The following CPNE4 variants were observed in gnomAD, a reference collection of about 807,000 sequenced individuals.
CPNE4 encodes the protein copine-4.
CPNE4 carries 25 observed loss-of-function variants against 67.9 expected under a neutral mutation model. That is an observed-to-expected ratio of 0.37 (90% confidence interval 0.27 to 0.51). The LOEUF (loss-of-function observed/expected upper bound fraction) is 0.51, where lower values mean the gene tolerates loss of function less well. CPNE4 is among the 20% of genes least tolerant of loss of function. The pLI is 0.93. For synonymous variants in CPNE4, 242 were observed against 244.9 expected, an observed-to-expected ratio of 0.99 and a Z score of 0.11; for missense variants, 464 against 690.8, an observed-to-expected ratio of 0.67 and a Z score of 3.68.
chr3:131,978,869 C>T (rs1042176995), intron 1 of CPNE4, among the ~76,000 whole-genome samples: 25 of 151,440 alleles, frequency 1.7e-4, no homozygotes, highest in Non-Finnish European at 3.4e-4. Context: ...TTGCTGTATC[C>T]CAGAGGTTTT....
chr3:131,840,500 A>G (rs1375971195), intron 2 of CPNE4, among the ~76,000 whole-genome samples: 1 of 152,208 alleles, frequency 6.6e-6, no homozygotes, highest in African/African-American at 2.4e-5. Context: ...CTAGAATTCT[A>G]ATCAAAGGAC....
intron 15 of CPNE4, among the ~76,000 whole-genome samples, chr3:131,535,837 C>A (rs1326521807): frequency 6.6e-6 from 1 of 152,194 alleles, no homozygotes; most frequent in Non-Finnish European, 1.5e-5. Flanking sequence ...TACTGAATCA[C>A]AATCTGCCTT....
intron 2 of CPNE4, among the ~76,000 whole-genome samples, chr3:131,897,319 G>C (rs536052975): frequency 2.0e-5 from 3 of 152,194 alleles, no homozygotes; most frequent in African/African-American, 7.2e-5. Flanking sequence ...CTCACCTGTA[G>C]AGTGGGTTAT....
chr3:131,895,087 T>C (rs1583417044), intron 2 of CPNE4, among the ~76,000 whole-genome samples: 1 of 152,200 alleles, frequency 6.6e-6, no homozygotes, highest in East Asian at 1.9e-4. Context: ...GAGAACTTCA[T>C]ATTAAGTGAA....
intron 14 of CPNE4, among the ~76,000 whole-genome samples, chr3:131,547,977 C>T (rs1323756590): frequency 6.6e-6 from 1 of 152,046 alleles, no homozygotes; most frequent in Non-Finnish European, 1.5e-5. Context: ...CTTCCTATTC[C>T]CTTGTAGGAA....
intron 1 of CPNE4, among the ~76,000 whole-genome samples, chr3:131,956,104 A>AT (rs77660489): frequency 0.54 from 81,764 of 151,884 alleles, 22,839 homozygotes; most frequent in Admixed American, 0.68. Flanking sequence ...AAAACACTAG[A>AT]TTTTTTATAT....
chr3:131,583,732 A>C (rs1237538355), intron 8 of CPNE4, among the ~76,000 whole-genome samples: 1 of 152,122 alleles, frequency 6.6e-6, no homozygotes, highest in African/African-American at 2.4e-5. Context: ...GATGGACCAG[A>C]TCTAAATAGT....
chr3:131,593,575 C>T (rs1938665431), intron 7 of CPNE4, among the ~76,000 whole-genome samples: 1 of 152,062 alleles, frequency 6.6e-6, no homozygotes, highest in Non-Finnish European at 1.5e-5. Flanking sequence ...TTCGTGAAGC[C>T]GTTAGGGTTT....
At chr3:131,673,062 T>C (rs1390675427) in intron 6 of CPNE4, among the ~76,000 whole-genome samples, 3 of 152,086 alleles carry the variant, frequency 2.0e-5, no homozygotes, top group Admixed American at 1.3e-4. Flanking sequence ...CATATTGATA[T>C]CCAGTTTTCC....
At chr3:131,760,751 C>T (rs2082865144) in intron 2 of CPNE4, among the ~76,000 whole-genome samples, 1 of 152,180 alleles carries the variant, frequency 6.6e-6, no homozygotes, top group Non-Finnish European at 1.5e-5. Context: ...CCCCAAAACA[C>T]TTAAATACGT....
intron 1 of CPNE4, among the ~76,000 whole-genome samples, chr3:131,968,821 C>G (rs1006149799): frequency 5.9e-5 from 9 of 152,114 alleles, no homozygotes; most frequent in African/African-American, 2.2e-4. Context: ...GATCTAGAAC[C>G]AGAAATAGCA....
chr3:131,568,736 G>C (rs529204923), intron 10 of CPNE4, among the ~76,000 whole-genome samples: 1 of 152,156 alleles, frequency 6.6e-6, no homozygotes, highest in East Asian at 1.9e-4. Flanking sequence ...GAAAAGGCTG[G>C]TTGCAAATGA....
At chr3:131,717,429 G>T (rs926188030) in intron 3 of CPNE4, among the ~76,000 whole-genome samples, 2 of 152,040 alleles carry the variant, frequency 1.3e-5, no homozygotes, top group Non-Finnish European at 2.9e-5. Flanking sequence ...TCTAATATTA[G>T]CAGCTATCAC....
intron 1 of CPNE4, among the ~76,000 whole-genome samples, chr3:132,024,648 TC>T (rs2074078597): frequency 6.6e-6 from 1 of 152,180 alleles, no homozygotes; most frequent in African/African-American, 2.4e-5. Context: ...ATCCAGAAGG[TC>T]AGGATTATGT....
intron 2 of CPNE4, among the ~76,000 whole-genome samples, chr3:131,903,621 C>T (rs1183132782): frequency 6.6e-6 from 1 of 152,042 alleles, no homozygotes; most frequent in African/African-American, 2.4e-5. Flanking sequence ...TTAGCTTTTC[C>T]ACTTACAAGC....
At chr3:131,600,953 A>C (rs6802454) in intron 7 of CPNE4, among the ~76,000 whole-genome samples, 20,234 of 152,126 alleles carry the variant, frequency 0.13, 1,924 homozygotes, top group African/African-American at 0.26. Flanking sequence ...TCTGCATTTT[A>C]ATTAATGCAC....
chr3:131,996,997 C>T (rs959188504), intron 1 of CPNE4, among the ~76,000 whole-genome samples: 1 of 151,990 alleles, frequency 6.6e-6, no homozygotes, highest in Non-Finnish European at 1.5e-5. Context: ...AATATAACAA[C>T]AGGCCTGGAG....
chr3:131,760,113 A>T (rs1197685263), intron 2 of CPNE4, among the ~76,000 whole-genome samples: 1 of 152,180 alleles, frequency 6.6e-6, no homozygotes, highest in African/African-American at 2.4e-5. Context: ...TGGATTTTTT[A>T]AAAAAGAATC....
chr3:131,913,624 T>G (rs1427919589), intron 1 of CPNE4, among the ~76,000 whole-genome samples: 15 of 152,216 alleles, frequency 9.9e-5, no homozygotes, highest in Non-Finnish European at 1.5e-5. Flanking sequence ...ATATGTTCTT[T>G]CCTTTTGTTC....
Sources: allele counts gnomAD v4.1 joint callset (sites outside exome capture counted in the v4.1 genomes callset), GRCh38; gene constraint gnomAD v4.1.1; transcripts MANE v1.5; gene names NCBI Gene and HGNC (gene_info 2026-07-23, HGNC 2026-07-21).